LY9: variants seen among roughly 807,000 people sequenced by gnomAD.
LY9 encodes the protein lymphocyte antigen 9, also known as T-lymphocyte surface antigen Ly-9.
A neutral mutation model predicts 64.6 loss-of-function variants in LY9; 59 were observed. The ratio of observed to expected loss-of-function variants is 0.91; its 90% confidence interval spans 0.74 to 1.13. The LOEUF (loss-of-function observed/expected upper bound fraction) is 1.13, where lower values mean the gene tolerates loss of function less well. Among genes scored for constraint, LY9 ranks in the 50% most tolerant of loss-of-function variants. The probability of loss-of-function intolerance (pLI) is 0.00; values close to 1 mark genes in which losing one functional copy is unlikely to be tolerated. For missense variants in LY9, 789 were observed against 797.2 expected, an observed-to-expected ratio of 0.99 and a Z score of 0.12; for synonymous variants, 281 against 308.5, an observed-to-expected ratio of 0.91 and a Z score of 0.93.
At chr1:160,797,428 G>C (rs1166496447) in intron 1 of LY9, among the ~76,000 whole-genome samples, 1 of 152,116 alleles carries the variant, frequency 6.6e-6, no homozygotes, top group African/African-American at 2.4e-5. Flanking sequence ...ATTTTATCTT[G>C]GCTCATCAAA....
chr1:160,807,871 G>A (rs938654968), intron 2 of LY9, among the ~76,000 whole-genome samples: 2 of 152,052 alleles, frequency 1.3e-5, no homozygotes, highest in Non-Finnish European at 1.5e-5. Context: ...AAGGGGGAAG[G>A]GGGAAGCCAG....
chr1:160,807,299 G>T (rs528030602), intron 2 of LY9, among the ~76,000 whole-genome samples: 1 of 152,286 alleles, frequency 6.6e-6, no homozygotes, highest in East Asian at 1.9e-4. Context: ...GCATGCAGTA[G>T]TATAGTATTT....
intron 1 of LY9, among the ~76,000 whole-genome samples, chr1:160,796,839 G>A (rs1665926493): frequency 6.6e-6 from 1 of 152,176 alleles, no homozygotes; most frequent in Non-Finnish European, 1.5e-5. Flanking sequence ...CCTAAGAAAT[G>A]CCAAGTATAT....
At chr1:160,807,869 AG>A (rs1428908035) in intron 2 of LY9, among the ~76,000 whole-genome samples, 8 of 152,016 alleles carry the variant, frequency 5.3e-5, no homozygotes, top group Admixed American at 4.6e-4. Flanking sequence ...CCAAGGGGGA[AG>A]GGGGAAGCCA....
At chr1:160,799,442 A>G in intron 1 of LY9, 1 of 278,926 alleles carries the variant, frequency 3.6e-6, no homozygotes, top group Non-Finnish European at 6.7e-6. Context: ...GAGCATTTCA[A>G]TCTTTTAGAT....
chr1:160,805,883 T>C (rs1219743670), intron 2 of LY9, among the ~76,000 whole-genome samples: 13 of 151,898 alleles, frequency 8.6e-5, no homozygotes, highest in African/African-American at 2.9e-4. Context: ...TCTTGCTGGA[T>C]TGATCCCTTC....
chr1:160,818,394 C>A (rs1035204799), intron 6 of LY9, 75 bp downstream of exon 6: 2 of 1,086,276 alleles, frequency 1.8e-6, no homozygotes. Flanking sequence ...TCTCTGCCCT[C>A]ACACAATCCC....
At chr1:160,805,919 C>CTTTTTTTTTTTTTTTTT (rs60244350) in intron 2 of LY9, among the ~76,000 whole-genome samples, 20 of 72,398 alleles carry the variant, frequency 2.8e-4, no homozygotes, top group South Asian at 5.1e-4. Context: ...CATTCTTTGT[C>CTTTTTTTTTTTTTTTTT]TTTTTTTTTT....
intron 9 of LY9, chr1:160,824,518 T>C (rs1243417190): frequency 2.0e-6 from 2 of 985,216 alleles, no homozygotes; most frequent in Non-Finnish European, 2.4e-6. Context: ...GCTTATACAC[T>C]CAAACAAGGT....
At chr1:160,820,319 T>C (rs189693556) in intron 7 of LY9, among the ~76,000 whole-genome samples, 1 of 152,288 alleles carries the variant, frequency 6.6e-6, no homozygotes, top group African/African-American at 2.4e-5. Context: ...CCCACTCCCA[T>C]GCCACAGTGT....
At chr1:160,818,164 C>T in intron 5 of LY9, 54 bp from the exon 6 acceptor site, 1 of 1,172,776 alleles carries the variant, frequency 8.5e-7, no homozygotes, top group Non-Finnish European at 1.3e-6. Context: ...GCATTGTTTG[C>T]TCCAGTGTGT....
At chr1:160,819,790 CAAAA>C (rs147882749) in intron 7 of LY9, among the ~76,000 whole-genome samples, 23 of 87,254 alleles carry the variant, frequency 2.6e-4, no homozygotes, top group South Asian at 4.8e-4. Context: ...GACTCTGTCT[CAAAA>C]AAAAAAAAAA....
At chr1:160,826,027 A>G (rs1192936447) in intron 9 of LY9, among the ~76,000 whole-genome samples, 3 of 152,210 alleles carry the variant, frequency 2.0e-5, no homozygotes, top group Non-Finnish European at 4.4e-5. Context: ...TCCAGAACTT[A>G]ACTACTAACA....
intron 2 of LY9, chr1:160,811,523 T>C (rs1353651472): frequency 6.6e-6 from 1 of 152,244 alleles, no homozygotes; most frequent in Non-Finnish European, 1.5e-5. Flanking sequence ...ACATTTTATA[T>C]AAGTAGCAAG....
intron 2 of LY9, among the ~76,000 whole-genome samples, chr1:160,803,353 T>A (rs525677): frequency 1.3e-5 from 2 of 152,140 alleles, no homozygotes; most frequent in African/African-American, 2.4e-5. Flanking sequence ...ATTTTGATAC[T>A]GATTGCCTTG....
chr1:160,814,644 G>T lies in LY9; in HGVS notation c.955G>T (p.Asp319Tyr). The T allele has an allele frequency of 6.2e-7, 1 of 1,614,168 alleles. No individual in the cohort carries two copies. Among genetic ancestry groups the T allele is most frequent in the Non-Finnish European group, 8.5e-7 (1 of 1,180,020 alleles). Residue 319 changes from aspartate to tyrosine, a missense_variant, in exon 4 of 10, where the codon GAC becomes TAC. By Grantham distance (160) the Asp-to-Tyr change is radical. Transcript: ENST00000263285. The part of the protein sequence containing the change: ...YKNRVWVSSQ[D>Y]CSLKISQLKI... ...GAACAGGGTGTGGGTCTCCAGCCAG[G>T]ACTGCTCCCTGAAGATCAGCCAGCT... is the stretch of plus-strand genomic sequence containing the variant.
intron 1 of LY9, 81 bp from the exon 2 acceptor site, chr1:160,799,672 A>T (rs1666253343): frequency 1.2e-6 from 1 of 834,628 alleles, no homozygotes; most frequent in Non-Finnish European, 1.9e-6. Context: ...TTTATGCCCA[A>T]TGTATATTCA....
chr1:160,824,432 T>C (rs1302729049), intron 9 of LY9, 183 bp downstream of exon 9: 2 of 985,280 alleles, frequency 2.0e-6, no homozygotes, highest in Non-Finnish European at 2.4e-6. Context: ...GACATCTGTG[T>C]GACCAAAGGC....
At chr1:160,822,903 C>A (rs1668582820) in intron 7 of LY9, among the ~76,000 whole-genome samples, 1 of 152,206 alleles carries the variant, frequency 6.6e-6, no homozygotes, top group Non-Finnish European at 1.5e-5. Context: ...TGCCTCTAAT[C>A]ATGCTGTTCC....
Sources: allele counts gnomAD v4.1 joint callset (sites outside exome capture counted in the v4.1 genomes callset), GRCh38; gene constraint gnomAD v4.1.1; transcripts MANE v1.5; gene names NCBI Gene and HGNC (gene_info 2026-07-23, HGNC 2026-07-21).